PCDHGB7: variants seen among roughly 807,000 people sequenced by gnomAD.
PCDHGB7 encodes protocadherin gamma subfamily B, 7, also known as protocadherin gamma-B7.
Under a neutral mutation model 61.4 loss-of-function variants are expected in PCDHGB7, and 37 were observed. The ratio of observed to expected loss-of-function variants is 0.60; its 90% CI spans 0.46 to 0.79. The LOEUF is 0.79. Among genes scored for constraint, PCDHGB7 ranks in the 30% least tolerant of loss-of-function variants. PCDHGB7 has a pLI of 0.00. For missense variants in PCDHGB7, 1,166 were observed against 1,202.5 expected, an observed-to-expected ratio of 0.97 and a Z score of 0.45; for synonymous variants, 464 against 503.5, an observed-to-expected ratio of 0.92 and a Z score of 1.05.
intron 1 of PCDHGB7, among the ~76,000 whole-genome samples, chr5:141,482,899 T>C (rs1238389686): frequency 1.3e-5 from 2 of 152,076 alleles, no homozygotes; most frequent in Non-Finnish European, 2.9e-5. Context: ...TGGTGAAACC[T>C]CATCTCTATT....
rs780383828 is a variant in PCDHGB7, at chr5:141,422,708, A to G, written c.2415+2434A>G. ...GCCCTGGTCACTTACTCTCTGACGGATGACACTGTCCAGGGGGTGCCTCTG... is the reference window on the plus strand; with the variant it reads ...GCCCTGGTCACTTACTCTCTGACGGGTGACACTGTCCAGGGGGTGCCTCTG... On this transcript the variant is annotated intron_variant, in intron 1 of 3. Transcript: ENST00000398594. 28 of 1,603,464 alleles carry G rather than the reference A, an allele frequency of 1.7e-5. No individual in the cohort carries two copies. The East Asian group carries it at 3.8e-4, about 22-fold the overall frequency.
chr5:141,427,822 T>C (rs1446832816), intron 1 of PCDHGB7: 1 of 1,534,220 alleles, frequency 6.5e-7, no homozygotes, highest in Non-Finnish European at 8.9e-7. Flanking sequence ...GGGGTGGTGG[T>C]CGCGCAGCGT....
At chr5:141,482,457 C>T (rs1279922250) in intron 1 of PCDHGB7, among the ~76,000 whole-genome samples, 3 of 147,484 alleles carry the variant, frequency 2.0e-5, no homozygotes, top group Non-Finnish European at 3.0e-5. Context: ...TATTAGCATC[C>T]CTATGTGCCA....
At chr5:141,481,718 C>T (rs942120251) in intron 1 of PCDHGB7, among the ~76,000 whole-genome samples, 6 of 152,082 alleles carry the variant, frequency 3.9e-5, no homozygotes, top group East Asian at 1.9e-4. Context: ...CTTTGGGAGG[C>T]GGAGGCGGGC....
Position 141,432,970 on chromosome 5 carries a change from G to C in PCDHGB7, c.2415+12696G>C, listed in dbSNP as rs371130763. On this transcript the variant is annotated intron_variant, in intron 1 of 3. Transcript: ENST00000398594. This position sits in a 1 kb window ranked among gnomAD's most constrained non-coding sequence, Gnocchi z 6.0. ...GAGGCGGCTTGACAGGAGCGCCGGC[G>C]TCGCACTTTGTGGGCGTGGACGGGG... is the stretch of plus-strand genomic sequence containing the variant. 25 of 1,614,114 alleles carry C rather than the reference G, an allele frequency of 1.5e-5. No individual in the cohort carries two copies. Among genetic ancestry groups the C allele is most frequent in the African/African-American group, 1.1e-4 (8 of 75,054 alleles).
In PCDHGB7 at chr5:141,432,976, C is replaced by T; in HGVS notation, c.2415+12702C>T. 1 of 1,614,210 alleles carries T rather than the reference C, an allele frequency of 6.2e-7. No individual in the cohort carries two copies. On this transcript the variant is annotated intron_variant, in intron 1 of 3. Transcript: ENST00000398594. The surrounding 1 kb of genome is among the most constrained non-coding windows in gnomAD (Gnocchi z 6.0). Reference sequence around the variant, plus strand: ...GCTTGACAGGAGCGCCGGCGTCGCACTTTGTGGGCGTGGACGGGGTGCAGG... The same window carrying T: ...GCTTGACAGGAGCGCCGGCGTCGCATTTTGTGGGCGTGGACGGGGTGCAGG...
intron 2 of PCDHGB7, among the ~76,000 whole-genome samples, chr5:141,496,492 C>A (rs2099769172): frequency 6.6e-6 from 1 of 152,186 alleles, no homozygotes; most frequent in Non-Finnish European, 1.5e-5. Context: ...CCAACCAAAC[C>A]CTTGTTGCCA....
In PCDHGB7 at chr5:141,419,934, T is replaced by C. The variant is rs1427601115; in HGVS notation, c.2075T>C (p.Leu692Pro). 3 of 1,613,952 alleles carry C rather than the reference T, an allele frequency of 1.9e-6. No individual in the cohort carries two copies. The highest frequency in any genetic ancestry group is 2.5e-6 in the Non-Finnish European group (3 of 1,179,894). ...SDSQAEMQFY[L>P]VVALALISVL... ...TCCCAGGCTGAGATGCAGTTTTACC[T>C]GGTGGTGGCCTTGGCCTTGATTTCT... The change falls in exon 1 of 4, where the codon CTG (leucine) becomes CCG (proline). Residue 692 changes from leucine (L) to proline (P), a missense_variant. Transcript: ENST00000398594.
intron 2 of PCDHGB7, among the ~76,000 whole-genome samples, chr5:141,495,826 A>G (rs1190417828): frequency 6.6e-6 from 1 of 150,888 alleles, no homozygotes; most frequent in African/African-American, 2.4e-5. Flanking sequence ...GTGTTCTTCT[A>G]TCCCCAGCCT....
In PCDHGB7 at chr5:141,488,435, C is replaced by T. The variant is rs111661764; in HGVS notation, c.2416-6372C>T. Among the ~76,000 whole-genome samples, 87 of 152,276 alleles carry T rather than the reference C, an allele frequency of 5.7e-4. 1 individual carries two copies. The highest frequency in any genetic ancestry group is 1.6e-3 in the African/African-American group (67 of 41,546). On this transcript the variant is annotated intron_variant, in intron 1 of 3. Transcript: ENST00000398594. ...AAGCCATCCATGCTTGGCCTCTGAC[C>T]ACCCTCCTGGGTGACCTGATTCAGC...
At position 141,431,316 on chromosome 5, in the gene PCDHGB7, C is replaced by T; in HGVS notation, c.2415+11042C>T. 6.2e-7 allele frequency: 1 copy of T among 1,614,104 alleles called. No individual in the cohort carries two copies. The highest frequency in any genetic ancestry group is 8.5e-7 in the Non-Finnish European group (1 of 1,180,046). The stretch of plus-strand genomic sequence containing the variant: ...TTCTCCCTCATCGTGCAAAATGGAG[C>T]CGACGGTAGTAAGTACCCCGAATTG... On this transcript the variant is annotated intron_variant, in intron 1 of 3. Transcript: ENST00000398594. The surrounding 1 kb of genome is among the most constrained non-coding windows in gnomAD (Gnocchi z 4.8).
At chr5:141,430,285 T>C (rs1456678142) in intron 1 of PCDHGB7, among the ~76,000 whole-genome samples, 18 of 151,710 alleles carry the variant, frequency 1.2e-4, no homozygotes, top group Admixed American at 1.2e-3. Flanking sequence ...GGAACAGTAA[T>C]CTCAAAGCAG....
In PCDHGB7 at chr5:141,419,588, A is replaced by T; in HGVS notation, c.1729A>T (p.Thr577Ser). ...LGPDGSALFD[T>S]VPRAAQPGYL... ...TCCCGACGGCTCCGCGCTCTTCGAC[A>T]CAGTGCCGCGGGCCGCGCAGCCAGG... The change falls in exon 1 of 4, where the codon ACA becomes TCA. Residue 577 changes from threonine (T) to serine (S), a missense_variant. Coordinates refer to ENST00000398594, the MANE Select transcript of PCDHGB7 (RefSeq NM_018927.4). 6.2e-7 allele frequency: 1 copy of T among 1,611,830 alleles called. No individual in the cohort carries two copies. Among genetic ancestry groups the T allele is most frequent in the East Asian group, 2.2e-5 (1 of 44,878 alleles).
Position 141,431,051 on chromosome 5 carries a change from G to C in PCDHGB7, c.2415+10777G>C, listed in dbSNP as rs1280440001. On this transcript the variant is annotated intron_variant, in intron 1 of 3. Coordinates refer to ENST00000398594, the MANE Select transcript of PCDHGB7 (RefSeq NM_018927.4). This position sits in a 1 kb window ranked among gnomAD's most constrained non-coding sequence, Gnocchi z 4.8. ...GATAGACCGGGAGGAGCTCTGTATGGGGGCCATCAAGTGTCAATTAAATCT... is the reference window on the plus strand; with the variant it reads ...GATAGACCGGGAGGAGCTCTGTATGCGGGCCATCAAGTGTCAATTAAATCT... 3 of 1,614,218 alleles carry C rather than the reference G, an allele frequency of 1.9e-6. No homozygotes were observed. Among genetic ancestry groups the C allele is most frequent in the East Asian group, 2.2e-5 (1 of 44,886 alleles).
chr5:141,470,019 C>G (rs2099219272), intron 1 of PCDHGB7, among the ~76,000 whole-genome samples: 1 of 152,154 alleles, frequency 6.6e-6, no homozygotes, highest in South Asian at 2.1e-4. Context: ...ATCCCAGCTA[C>G]TCGGGATGCT....
rs2099634686 is a variant in PCDHGB7 at position 141,486,772 on chromosome 5, T to G, written c.2416-8035T>G. 1 of 1,614,246 alleles carries G rather than the reference T, an allele frequency of 6.2e-7. No individual in the cohort carries two copies. The highest frequency in any genetic ancestry group is 8.5e-7 in the Non-Finnish European group (1 of 1,180,042). Reference sequence around the variant, plus strand: ...ATGAGCAAACCCAGACACTGCAGTTTGAGGTGCAGGCCCGGGATCGGGGCA... The same window carrying G: ...ATGAGCAAACCCAGACACTGCAGTTGGAGGTGCAGGCCCGGGATCGGGGCA... On this transcript the variant is annotated intron_variant, in intron 1 of 3. Coordinates refer to ENST00000398594, the MANE Select transcript of PCDHGB7 (RefSeq NM_018927.4). This position sits in a 1 kb window ranked among gnomAD's most constrained non-coding sequence, Gnocchi z 5.0.
intron 1 of PCDHGB7, among the ~76,000 whole-genome samples, chr5:141,479,965 T>C (rs2099510479): frequency 6.6e-6 from 1 of 152,234 alleles, no homozygotes; most frequent in East Asian, 1.9e-4. Context: ...GTTAGTCAAA[T>C]GAGGTTCTAC....
Position 141,423,504 on chromosome 5 carries a change from T to G in PCDHGB7, c.2415+3230T>G, listed in dbSNP as rs1448233226. ...TGCAAACCTATTCCCACGAGGTCTCTCTCATTGCGGACTCGCAGAAGAGTC... is the reference window on the plus strand; with the variant it reads ...TGCAAACCTATTCCCACGAGGTCTCGCTCATTGCGGACTCGCAGAAGAGTC... On this transcript the variant is annotated intron_variant, in intron 1 of 3. Transcript: ENST00000398594. The G allele has an allele frequency of 3.1e-6, 5 of 1,613,770 alleles. No individual in the cohort carries two copies. The Admixed American group carries it at 8.3e-5, about 27-fold the overall frequency.
At chr5:141,428,022 G>A (rs1439933482) in intron 1 of PCDHGB7, 11 of 1,605,558 alleles carry the variant, frequency 6.9e-6, no homozygotes, top group South Asian at 1.1e-5. Context: ...GCCACGCGCC[G>A]CAGAGTCCGG....
Sources: gnomAD v4.1 joint callset for allele counts (sites outside exome capture counted in the v4.1 genomes callset) on GRCh38, gnomAD v4.1.1 for gene constraint, Gnocchi (gnomAD v3.1) non-coding constraint, MANE v1.5 for transcripts, NCBI Gene and HGNC (gene_info 2026-07-23, HGNC 2026-07-21) for gene names.